The following CYP3A5 variants were observed in gnomAD, a reference collection of about 807,000 sequenced individuals.
CYP3A5 encodes the protein cytochrome P450 family 3 subfamily A member 5, also known as cytochrome P450 3A5.
A neutral mutation model predicts 55.9 loss-of-function variants in CYP3A5; 51 were observed. The ratio of observed to expected loss-of-function variants is 0.91; its 90% confidence interval spans 0.73 to 1.15. The LOEUF (loss-of-function observed/expected upper bound fraction) is 1.15. Among genes scored for constraint, CYP3A5 ranks in the 50% most tolerant of loss-of-function variants. CYP3A5 has a pLI of 0.00. For missense variants in CYP3A5, 533 were observed against 596.6 expected (o/e 0.89, Z 1.11); for synonymous variants, 196 against 213.9 (o/e 0.92, Z 0.73).
At chr7:99,661,415 C>T (rs750092270) in intron 9 of CYP3A5, among the ~76,000 whole-genome samples, 44 of 152,208 alleles carry the variant, frequency 2.9e-4, no homozygotes, top group Non-Finnish European at 5.0e-4. Context: ...AATGGACTAT[C>T]TCAGGATGTA....
In CYP3A5 at chr7:99,662,294, A is replaced by G. The variant is rs1348132716; in HGVS notation, c.865+522T>C. ...TTTTGGTTAAAACCATCCATGGGTC[A>G]TAAAACTAGTAGATACAAGACTGAA... On this transcript the variant is annotated intron_variant, in intron 9 of 12. Transcript: ENST00000222982. This position sits in a 1 kb window ranked among gnomAD's most constrained non-coding sequence, Gnocchi z 4.3. 1.3e-5 allele frequency among the ~76,000 whole-genome samples: 2 copies of G among 152,268 alleles called. No individual in the cohort carries two copies. Among genetic ancestry groups the G allele is most frequent in the African/African-American group, 2.4e-5 (1 of 41,470 alleles).
chr7:99,649,307 T>G (rs1451802014), intron 12 of CYP3A5, among the ~76,000 whole-genome samples: 1 of 152,098 alleles, frequency 6.6e-6, no homozygotes, highest in Non-Finnish European at 1.5e-5. Context: ...AAGCACAAAG[T>G]GTACTTAAGG....
Position 99,664,437 on chromosome 7 carries a change from T to C in CYP3A5, c.671-342A>G, listed in dbSNP as rs187305718. Among the ~76,000 whole-genome samples, 110 of 152,328 alleles carry C rather than the reference T, an allele frequency of 7.2e-4. 1 individual carries two copies. Among genetic ancestry groups the C allele is most frequent in the African/African-American group, 2.5e-3 (106 of 41,572 alleles). ...AATCTGCTGCTTAACTTAATCATGC[T>C]GTTCAGGAAATGATAGTCAAGATAG... On this transcript the variant is annotated intron_variant, in intron 7 of 12. Coordinates refer to ENST00000222982, the MANE Select transcript of CYP3A5 (RefSeq NM_000777.5).
rs568740101 is a variant in CYP3A5, at chr7:99,679,977, G to C, written c.-81C>G. ...CTGTTTGCTGGGCTGTTTGCCTGGAGCTTCCCTGCCCTGCACAGCAGTCTT... is the reference window on the plus strand; with the variant it reads ...CTGTTTGCTGGGCTGTTTGCCTGGACCTTCCCTGCCCTGCACAGCAGTCTT... On this transcript the variant is annotated 5_prime_UTR_variant, in exon 1 of 13. Transcript: ENST00000222982. 1 of 1,244,226 alleles carries C rather than the reference G, an allele frequency of 8.0e-7. No homozygotes were observed. The highest frequency in any genetic ancestry group is 1.2e-6 in the Non-Finnish European group (1 of 844,102). 77.1% of individuals were successfully genotyped at this position (1,244,226 alleles called of 1,614,324 possible). A position where few individuals can be genotyped will look rare whatever the true frequency, so the allele number is the denominator to read the frequency against.
chr7:99,674,293 T>C (rs907064910), intron 3 of CYP3A5: 8 of 381,742 alleles, frequency 2.1e-5, no homozygotes, highest in African/African-American at 1.0e-4. Flanking sequence ...ATATTTTCTA[T>C]GGAGCATCTT....
rs1203322039 is a variant in CYP3A5 at position 99,652,581 on chromosome 7, T to A, written c.1225A>T (p.Thr409Ser). 6.2e-7 allele frequency: 1 copy of A among 1,613,352 alleles called. No homozygotes were observed. The highest frequency in any genetic ancestry group is 8.5e-7 in the Non-Finnish European group (1 of 1,179,560). Residue 409 changes from threonine to serine, a missense_variant, in exon 11 of 13, where the codon ACA (threonine) becomes TCA (serine). Physicochemically the swap from Thr to Ser is moderately conservative, Grantham distance 58. Coordinates refer to ENST00000222982, the MANE Select transcript of CYP3A5 (RefSeq NM_000777.5). ...YALHHDPKYWTEPEEFRPERF... is the reference protein window; with the variant it reads ...YALHHDPKYWSEPEEFRPERF... Reference sequence around the variant, plus strand: ...TCAGGGCGGAACTCCTCAGGCTCTGTCCAGTACTTTGGGTCATGGTGAAGA... The same window carrying A: ...TCAGGGCGGAACTCCTCAGGCTCTGACCAGTACTTTGGGTCATGGTGAAGA...
At position 99,660,575 on chromosome 7, in the gene CYP3A5, G is replaced by A. The variant is rs527393064; in HGVS notation, c.950C>T (p.Thr317Ile). 1 of 1,613,964 alleles carries A rather than the reference G, an allele frequency of 6.2e-7. No individual in the cohort carries two copies. Among genetic ancestry groups the A allele is most frequent in the East Asian group, 2.2e-5 (1 of 44,866 alleles). Residue 317 changes from threonine to isoleucine, a missense_variant, in exon 10 of 13, where the codon ACT becomes ATT. Coordinates refer to ENST00000222982, the MANE Select transcript of CYP3A5 (RefSeq NM_000777.5). The part of the protein sequence containing the change: ...YETTSSVLSF[T>I]LYELATHPDV... Reference sequence around the variant, plus strand: ...AGGGTGAGTGGCCAGTTCATATAAAGTGAAGGAAAGAACACTGCTGGTGGT... The same window carrying A: ...AGGGTGAGTGGCCAGTTCATATAAAATGAAGGAAAGAACACTGCTGGTGGT...
At chr7:99,667,971 A>G (rs1327488901) in intron 4 of CYP3A5, among the ~76,000 whole-genome samples, 1 of 152,270 alleles carries the variant, frequency 6.6e-6, no homozygotes, top group Non-Finnish European at 1.5e-5. Flanking sequence ...AAAGGCATAC[A>G]GATTGGAAAG....
intron 1 of CYP3A5, among the ~76,000 whole-genome samples, chr7:99,679,551 G>A (rs191777715): frequency 5.9e-5 from 9 of 152,212 alleles, no homozygotes; most frequent in African/African-American, 2.2e-4. Context: ...ATTAGTCTTC[G>A]TCAGATCTAA....
At chr7:99,651,776 G>C in intron 11 of CYP3A5, among the ~76,000 whole-genome samples, 1 of 152,202 alleles carries the variant, frequency 6.6e-6, no homozygotes. Context: ...CCTAAGGCCT[G>C]ACCTTGTCCC....
intron 9 of CYP3A5, among the ~76,000 whole-genome samples, chr7:99,661,607 A>G (rs977611748): frequency 6.6e-6 from 1 of 152,258 alleles, no homozygotes; most frequent in Non-Finnish European, 1.5e-5. Context: ...TAGGACCTTT[A>G]GAGACCTGGA....
intron 1 of CYP3A5, 86 bp downstream of exon 1, chr7:99,679,740 G>T: frequency 3.1e-6 from 4 of 1,298,688 alleles, no homozygotes; most frequent in South Asian, 1.2e-5. Flanking sequence ...CATCTCTTTT[G>T]ATCTTCAAAA....
intron 10 of CYP3A5, among the ~76,000 whole-genome samples, chr7:99,654,183 A>G (rs1007017041): frequency 6.6e-6 from 1 of 152,008 alleles, no homozygotes; most frequent in African/African-American, 2.4e-5. Context: ...TGCACCCATT[A>G]ACTCGTCATT....
Position 99,666,866 on chromosome 7 carries a change from C to G in CYP3A5, c.432+86G>C, listed in dbSNP as rs894281783. The G allele has an allele frequency of 3.8e-6, 6 of 1,591,888 alleles. No homozygotes were observed. In the African/African-American group the frequency reaches 6.7e-5, roughly 18 times the overall value. ...GAAGCTCGAACTCAGTGGACTACCC[C>G]TTGGAAACGGACTGTGATCTTACTT... On this transcript the variant is annotated intron_variant, in intron 5 of 12. Coordinates refer to ENST00000222982, the MANE Select transcript of CYP3A5 (RefSeq NM_000777.5).
At chr7:99,676,702 G>C in intron 1 of CYP3A5, 1 of 538,462 alleles carries the variant, frequency 1.9e-6, no homozygotes, top group South Asian at 1.5e-5. Flanking sequence ...AATTTGCTCA[G>C]AAATGTTTAT....
chr7:99,660,895 A>T (rs1386744713), intron 9 of CYP3A5, among the ~76,000 whole-genome samples: 3 of 152,188 alleles, frequency 2.0e-5, no homozygotes, highest in Non-Finnish European at 4.4e-5. Context: ...CACACTCCTC[A>T]TCATGGCATC....
chr7:99,655,395 G>T (rs1809606645), intron 10 of CYP3A5, among the ~76,000 whole-genome samples: 2 of 152,160 alleles, frequency 1.3e-5, no homozygotes, highest in South Asian at 4.1e-4. Flanking sequence ...TTGTAGATAT[G>T]TGGCATTCTT....
chr7:99,679,830 A>G lies in CYP3A5; in HGVS notation c.67T>C (p.Tyr23His). The stretch of plus-strand genomic sequence containing the variant: ...GGAGTTTGGACAGTTACTCACAGAT[A>G]GAGGAGCACCAGGCTGACAGCCAGG... ...LLLAVSLVLL[Y>H]LYGTRTHGLF... Residue 23 changes from tyrosine (Y) to histidine (H), a missense_variant, in exon 1 of 13, where the codon TAT (tyrosine) becomes CAT (histidine). Coordinates refer to ENST00000222982, the MANE Select transcript of CYP3A5 (RefSeq NM_000777.5). 1 of 1,614,154 alleles carries G rather than the reference A, an allele frequency of 6.2e-7. No homozygotes were observed. Among genetic ancestry groups the G allele is most frequent in the Non-Finnish European group, 8.5e-7 (1 of 1,179,980 alleles).
rs1445725863 is a variant in CYP3A5 at position 99,665,302 on chromosome 7, G to C, written c.534C>G (p.Ala178=). The change falls in exon 7 of 13, where the codon GCC becomes GCG. Residue 178 remains alanine (A), a synonymous_variant. Coordinates refer to ENST00000222982, the MANE Select transcript of CYP3A5 (RefSeq NM_000777.5). ...TGCCAGTAATCACATCCATGCTGTAGGCCCCAAAGATGCTGAGTGGAGAAA... is the reference window on the plus strand; with the variant it reads ...TGCCAGTAATCACATCCATGCTGTACGCCCCAAAGATGCTGAGTGGAGAAA... ...KPVTLKDIFG[A]YSMDVITGTS... is the part of the protein sequence containing the mutation. The C allele has an allele frequency of 6.2e-6, 10 of 1,614,002 alleles. No homozygotes were observed. The South Asian group carries it at 1.1e-4, about 18-fold the overall frequency.
Sources: allele counts gnomAD v4.1 joint callset (sites outside exome capture counted in the v4.1 genomes callset), GRCh38; gene constraint gnomAD v4.1.1; non-coding constraint Gnocchi (gnomAD v3.1); transcripts MANE v1.5; gene names NCBI Gene and HGNC (gene_info 2026-07-23, HGNC 2026-07-21).